The following TSNARE1 variants were observed in gnomAD, a reference collection of about 807,000 sequenced individuals.
The protein encoded by TSNARE1 is t-SNARE domain-containing protein 1.
In TSNARE1, 49 loss-of-function variants were observed where a neutral mutation model predicts 62.0. The observed-to-expected ratio is 0.79, with a 90% CI of 0.63 to 1.00. The LOEUF is 1.00. Among genes scored for constraint, TSNARE1 ranks in the 50% least tolerant of loss-of-function variants. TSNARE1 has a pLI of 0.00. For synonymous variants in TSNARE1, 328 were observed against 294.4 expected (o/e 1.11, Z -1.17); for missense variants, 755 against 700.1 (o/e 1.08, Z -0.88).
intron 10 of TSNARE1, among the ~76,000 whole-genome samples, chr8:142,299,582 A>G (rs1169507993): frequency 6.6e-6 from 1 of 152,216 alleles, no homozygotes; most frequent in African/African-American, 2.4e-5. Flanking sequence ...AGGCATCAAG[A>G]GAGAAGAGGC....
intron 12 of TSNARE1, among the ~76,000 whole-genome samples, chr8:142,258,832 C>G (rs927154759): frequency 6.6e-6 from 1 of 152,150 alleles, no homozygotes; most frequent in Non-Finnish European, 1.5e-5. Flanking sequence ...AGAACGCATG[C>G]CTTTCTGTTG....
intron 12 of TSNARE1, chr8:142,270,607 G>A: frequency 1.0e-6 from 1 of 985,226 alleles, no homozygotes. Context: ...TGCCCTCCAA[G>A]TGTGCATGCC....
rs1403148518 is a variant in TSNARE1, at chr8:142,344,604, C to T, written c.239-132G>A. ...ACGGCTGCCTGGTCCTGGCCACCAC[C>T]CCTCCCTGCTGGGTGTCCAGAGACC... On this transcript the variant is annotated intron_variant, in intron 3 of 13. Coordinates refer to ENST00000524325, the MANE Select transcript of TSNARE1 (RefSeq NM_145003.5). 46 of 978,208 alleles carry T rather than the reference C, an allele frequency of 4.7e-5. No individual in the cohort carries two copies. The South Asian group carries it at 7.5e-4, about 16-fold the overall frequency. 60.6% of individuals were successfully genotyped at this position (978,208 alleles called of 1,614,324 possible). A position where few individuals can be genotyped will look rare whatever the true frequency, so the allele number is the denominator to read the frequency against.
chr8:142,248,256 A>C (rs1037652920), intron 12 of TSNARE1, among the ~76,000 whole-genome samples: 1 of 152,188 alleles, frequency 6.6e-6, no homozygotes, highest in African/African-American at 2.4e-5. Flanking sequence ...TGCTCTTTAG[A>C]AAGGACCCAG....
At chr8:142,384,502 A>G (rs565376466) in intron 1 of TSNARE1, among the ~76,000 whole-genome samples, 1 of 152,356 alleles carries the variant, frequency 6.6e-6, no homozygotes, top group South Asian at 2.1e-4. Flanking sequence ...AGAATAGAAT[A>G]AAGAGCCCAG....
rs758230808 is a variant in TSNARE1 at position 142,278,571 on chromosome 8, C to T, written c.1364-3708G>A. 1.2e-5 allele frequency: 12 copies of T among 985,268 alleles called. No homozygotes were observed. The East Asian group carries it at 6.8e-4, about 56-fold the overall frequency. The allele number at this position is 985,268 out of a possible 1,614,324, so 61.0% of individuals were successfully genotyped here. A position where few individuals can be genotyped will look rare whatever the true frequency, so the allele number is the denominator to read the frequency against. ...GGTGTCTTGAGGAGGAGAGGAGGTGCGGTGGGAGGAGGCACGGAGGCGGCA... is the reference window on the plus strand; with the variant it reads ...GGTGTCTTGAGGAGGAGAGGAGGTGTGGTGGGAGGAGGCACGGAGGCGGCA... On this transcript the variant is annotated intron_variant, in intron 11 of 13. Coordinates refer to ENST00000524325, the MANE Select transcript of TSNARE1 (RefSeq NM_145003.5).
intron 12 of TSNARE1, chr8:142,270,223 G>T (rs1219372198): frequency 2.0e-6 from 2 of 985,148 alleles, no homozygotes; most frequent in East Asian, 1.1e-4. Flanking sequence ...CCCGCCAAGG[G>T]ATCTCCCAAG....
At chr8:142,226,977 C>T (rs117697243) in intron 13 of TSNARE1, among the ~76,000 whole-genome samples, 8,063 of 78,070 alleles carry the variant, frequency 0.1, 356 homozygotes, top group African/African-American at 0.22. Flanking sequence ...ACGGCAGTGA[C>T]AGCAAGGCCC....
At chr8:142,305,355 AG>A (rs1826490305) in intron 9 of TSNARE1, among the ~76,000 whole-genome samples, 1 of 90,314 alleles carries the variant, frequency 1.1e-5, no homozygotes, top group African/African-American at 4.3e-5. Flanking sequence ...CAGGGGTGGG[AG>A]GGGGGTGCAA....
intron 1 of TSNARE1, 35 bp from the exon 2 acceptor site, chr8:142,354,798 G>C (rs774522630): frequency 8.0e-7 from 1 of 1,255,542 alleles, no homozygotes; most frequent in Non-Finnish European, 1.2e-6. Context: ...GGAAGAGGGG[G>C]AAGACATGGG....
rs146220098 is a variant in TSNARE1, at chr8:142,215,902, G to T, written c.*12-3589C>A. Among the ~76,000 whole-genome samples the T allele has an allele frequency of 6.0e-3, 911 of 152,332 alleles. 7 individuals are homozygous for T. Among genetic ancestry groups the T allele is most frequent in the African/African-American group, 0.021 (874 of 41,570 alleles). On this transcript the variant is annotated intron_variant, in intron 13 of 13. Coordinates refer to ENST00000524325, the MANE Select transcript of TSNARE1 (RefSeq NM_145003.5). Reference sequence around the variant, plus strand: ...GGCCAACCCTCCGCCTGCACCCCAGGCTGGCTTTGTGGTGCCATGGAATTC... The same window carrying T: ...GGCCAACCCTCCGCCTGCACCCCAGTCTGGCTTTGTGGTGCCATGGAATTC...
At chr8:142,256,834 T>C (rs965755035) in intron 12 of TSNARE1, among the ~76,000 whole-genome samples, 3 of 152,162 alleles carry the variant, frequency 2.0e-5, no homozygotes, top group African/African-American at 7.2e-5. Context: ...AAGCAAACAA[T>C]GGCAGCCACT....
chr8:142,336,862 C>G (rs1443197648), intron 4 of TSNARE1, among the ~76,000 whole-genome samples: 1 of 152,188 alleles, frequency 6.6e-6, no homozygotes, highest in Non-Finnish European at 1.5e-5. Context: ...AGAAAGTTAT[C>G]TGTGAATGAC....
At chr8:142,361,760 A>G (rs1238930018) in intron 1 of TSNARE1, among the ~76,000 whole-genome samples, 1 of 152,146 alleles carries the variant, frequency 6.6e-6, no homozygotes, top group Non-Finnish European at 1.5e-5. Context: ...TCCACAGGCA[A>G]GGCCGGAAAA....
At chr8:142,304,972 CAT>C (rs1419091060) in intron 9 of TSNARE1, among the ~76,000 whole-genome samples, 1 of 152,168 alleles carries the variant, frequency 6.6e-6, no homozygotes, top group Non-Finnish European at 1.5e-5. Context: ...CCCAGGTAAA[CAT>C]AACAAACTTT....
intron 9 of TSNARE1, among the ~76,000 whole-genome samples, chr8:142,314,061 G>T (rs543822332): frequency 9.8e-5 from 15 of 152,358 alleles, no homozygotes; most frequent in African/African-American, 3.6e-4. Context: ...CTCCAGGCGT[G>T]AGCCACCGCG....
intron 12 of TSNARE1, among the ~76,000 whole-genome samples, chr8:142,257,805 C>G (rs1231481475): frequency 2.0e-5 from 3 of 152,264 alleles, no homozygotes; most frequent in African/African-American, 7.2e-5. Flanking sequence ...TCATGGAGAT[C>G]CAGCCGCCTC....
intron 1 of TSNARE1, 152 bp downstream of exon 1, chr8:142,402,952 C>G (rs1184195817): frequency 6.6e-6 from 1 of 150,658 alleles, no homozygotes; most frequent in Non-Finnish European, 1.5e-5. Context: ...CCGGCGCGGC[C>G]CCGCCCCCCG....
chr8:142,368,845 A>G (rs1430502651), intron 1 of TSNARE1, among the ~76,000 whole-genome samples: 4 of 152,152 alleles, frequency 2.6e-5, no homozygotes, highest in African/African-American at 9.7e-5. Context: ...ATTTGTGAAC[A>G]CCCACAGTGG....
Sources: allele counts gnomAD v4.1 joint callset (sites outside exome capture counted in the v4.1 genomes callset), GRCh38; gene constraint gnomAD v4.1.1; transcripts MANE v1.5; gene names NCBI Gene and HGNC (gene_info 2026-07-23, HGNC 2026-07-21).